ANKRD18A: variants seen among roughly 807,000 people sequenced by gnomAD.
The protein encoded by ANKRD18A is ankyrin repeat domain 18A, also known as ankyrin repeat domain-containing protein 18A.
Under a neutral mutation model 110.6 loss-of-function variants are expected in ANKRD18A, and 72 were observed. That is an observed-to-expected ratio of 0.65 (90% CI 0.54 to 0.79). The LOEUF is 0.79. Among genes scored for constraint, ANKRD18A ranks in the 30% least tolerant of loss-of-function variants. The pLI is 0.00. For synonymous variants in ANKRD18A, 305 were observed against 410.3 expected (o/e 0.74, Z 3.10); for missense variants, 934 against 1,163.3 (o/e 0.80, Z 2.87).
At chr9:38,600,663 G>A (rs1825081647) in intron 8 of ANKRD18A, among the ~76,000 whole-genome samples, 1 of 152,088 alleles carries the variant, frequency 6.6e-6, no homozygotes, top group Admixed American at 6.6e-5. Flanking sequence ...GACACTGAAG[G>A]CAACCAGAAA....
chr9:38,580,245 A>G (rs1168768798), intron 12 of ANKRD18A, among the ~76,000 whole-genome samples: 1 of 152,218 alleles, frequency 6.6e-6, no homozygotes, highest in Non-Finnish European at 1.5e-5. Context: ...TCTACAAAGT[A>G]AAAAATCAGA....
At chr9:38,617,117 T>A (rs1372286554) in intron 1 of ANKRD18A, among the ~76,000 whole-genome samples, 2 of 152,210 alleles carry the variant, frequency 1.3e-5, no homozygotes, top group Non-Finnish European at 2.9e-5. Context: ...ACATATTTTT[T>A]AAACAAATTA....
chr9:38,587,278 G>C (rs139136560), intron 11 of ANKRD18A, among the ~76,000 whole-genome samples: 1,604 of 152,244 alleles, frequency 0.011, 18 homozygotes, highest in Middle Eastern at 0.027. Flanking sequence ...TGTAGAGAAA[G>C]ACAATGGCAG....
chr9:38,605,252 A>G (rs571696909), intron 6 of ANKRD18A, among the ~76,000 whole-genome samples: 1 of 152,374 alleles, frequency 6.6e-6, no homozygotes, highest in South Asian at 2.1e-4. Context: ...AGTCTGTAAC[A>G]GATACATGAT....
At chr9:38,591,933 C>A (rs1023327452) in intron 10 of ANKRD18A, among the ~76,000 whole-genome samples, 1 of 152,166 alleles carries the variant, frequency 6.6e-6, no homozygotes, top group Non-Finnish European at 1.5e-5. Flanking sequence ...ACTGCCTTCA[C>A]GAGTACTCTG....
chr9:38,586,633 C>T (rs1169554066), intron 11 of ANKRD18A, among the ~76,000 whole-genome samples: 2 of 151,928 alleles, frequency 1.3e-5, no homozygotes, highest in Non-Finnish European at 2.9e-5. Flanking sequence ...GGCGTGATCA[C>T]GGCTCACTGC....
chr9:38,574,306 C>CTTGG (rs1440870943), intron 15 of ANKRD18A, among the ~76,000 whole-genome samples: 3 of 152,126 alleles, frequency 2.0e-5, no homozygotes, highest in African/African-American at 4.8e-5. Flanking sequence ...TTCAAACTAC[C>CTTGG]TTGGGTGCAC....
chr9:38,579,558 G>A (rs745332450), intron 12 of ANKRD18A, among the ~76,000 whole-genome samples: 6 of 151,912 alleles, frequency 3.9e-5, no homozygotes, highest in Non-Finnish European at 8.8e-5. Flanking sequence ...TACAAATAGC[G>A]AACAAATACA....
intron 4 of ANKRD18A, among the ~76,000 whole-genome samples, chr9:38,610,794 G>T (rs1335111442): frequency 2.6e-5 from 4 of 151,480 alleles, no homozygotes; most frequent in African/African-American, 9.7e-5. Flanking sequence ...GTCAGCTAGG[G>T]ATCAAATAAA....
At chr9:38,610,463 T>C in intron 4 of ANKRD18A, 53 bp from the exon 5 acceptor site, 1 of 1,507,122 alleles carries the variant, frequency 6.6e-7, no homozygotes, top group Non-Finnish European at 8.9e-7. Context: ...AGATATTTAA[T>C]TAGCAAATTG....
chr9:38,595,850 A>G lies in ANKRD18A; in HGVS notation c.1490T>C (p.Leu497Pro). The stretch of plus-strand genomic sequence containing the variant: ...TCCTAAAGCCAATGTCTTTTCCCTG[A>G]GAGCATCTCTTGTCTCACGGAGCTT... ...KGKLRETRDA[L>P]REKTLALGSV... Residue 497 changes from leucine to proline, a missense_variant, in exon 9 of 16, where the codon CTC (leucine) becomes CCC (proline). Leu to Pro is a moderately conservative substitution (Grantham distance 98). This residue lies in a region of ANKRD18A where 630 missense variants were observed against 797.5 expected (regional missense o/e 0.79). Coordinates refer to ENST00000399703, the MANE Select transcript of ANKRD18A (RefSeq NM_147195.4). 2.6e-6 allele frequency: 4 copies of G among 1,551,308 alleles called. No homozygotes were observed. The highest frequency in any genetic ancestry group is 3.5e-6 in the Non-Finnish European group (4 of 1,146,718).
intron 4 of ANKRD18A, 34 bp from the exon 5 acceptor site, chr9:38,610,444 C>G (rs117957159): frequency 0.062 from 94,379 of 1,520,220 alleles, 3,272 homozygotes; most frequent in Non-Finnish European, 0.072. Flanking sequence ...CACTCAAGAA[C>G]TTTGATGAAG....
In ANKRD18A at chr9:38,575,504, G is replaced by A. The variant is rs1823843768; in HGVS notation, c.2936C>T (p.Ser979Leu). ...AGTCAAGAAGTTCTTGCAGTTATTT[G>A]AAGTCTGTGGGTTTGAAGTAGGAAT... is the stretch of plus-strand genomic sequence containing the variant. ...IRIPTSNPQTSNNCKNFLTEV... is the reference protein window; with the variant it reads ...IRIPTSNPQTLNNCKNFLTEV... The change falls in exon 15 of 16, where the codon TCA becomes TTA. Residue 979 changes from serine (S) to leucine (L), a missense_variant. Ser to Leu is a moderately radical substitution (Grantham distance 145). Around this residue, in one of 4 missense-constraint regions of ANKRD18A, gnomAD observed 223 missense variants for 226.7 expected, o/e 0.98. Coordinates refer to ENST00000399703, the MANE Select transcript of ANKRD18A (RefSeq NM_147195.4). 1 of 1,551,548 alleles carries A rather than the reference G, an allele frequency of 6.4e-7. No homozygotes were observed. Among genetic ancestry groups the A allele is most frequent in the Non-Finnish European group, 8.7e-7 (1 of 1,146,820 alleles).
intron 12 of ANKRD18A, among the ~76,000 whole-genome samples, chr9:38,580,285 A>G (rs1824100794): frequency 6.6e-6 from 1 of 152,212 alleles, no homozygotes; most frequent in South Asian, 2.1e-4. Flanking sequence ...CCATAATCCT[A>G]GCTGCTCAGC....
intron 15 of ANKRD18A, 175 bp from the exon 16 acceptor site, chr9:38,572,234 T>C (rs1029558050): frequency 1.3e-5 from 6 of 474,236 alleles, no homozygotes; most frequent in African/African-American, 1.2e-4. Context: ...TTAATTCCAA[T>C]TGTGGTTAAA....
At chr9:38,595,424 T>C in intron 9 of ANKRD18A, 62 bp downstream of exon 9, 1 of 1,356,274 alleles carries the variant, frequency 7.4e-7, no homozygotes. Context: ...AGGTTCAACA[T>C]ATAGCCAGAA....
chr9:38,620,364 C>T lies in ANKRD18A; in HGVS notation c.-79G>A. 2 of 1,459,470 alleles carry T rather than the reference C, an allele frequency of 1.4e-6. No individual in the cohort carries two copies. The highest frequency in any genetic ancestry group is 9.1e-7 in the Non-Finnish European group (1 of 1,096,672). The allele number at this position is 1,459,470 out of a possible 1,614,324, so 90.4% of individuals were successfully genotyped here. On this transcript the variant is annotated 5_prime_UTR_variant, in exon 1 of 16. Coordinates refer to ENST00000399703, the MANE Select transcript of ANKRD18A (RefSeq NM_147195.4). ...GTGGCCTTTCCACCCCCACTCCGCCCCAAATCCGCGATCTCCCCCGCAACC... is the reference window on the plus strand; with the variant it reads ...GTGGCCTTTCCACCCCCACTCCGCCTCAAATCCGCGATCTCCCCCGCAACC...
At chr9:38,569,165 C>T (rs1587472605), downstream of ANKRD18A, 10 of 985,008 alleles carry the variant, frequency 1.0e-5, no homozygotes, top group African/African-American at 5.2e-5. Flanking sequence ...TATCACGGAG[C>T]GAGACTGGGC....
intron 12 of ANKRD18A, among the ~76,000 whole-genome samples, chr9:38,585,139 G>C (rs912426514): frequency 1.3e-5 from 2 of 152,060 alleles, no homozygotes; most frequent in African/African-American, 4.8e-5. Context: ...CAGATCTAGG[G>C]AAGATTAACT....
Sources: gnomAD v4.1 joint callset for allele counts (sites outside exome capture counted in the v4.1 genomes callset) on GRCh38, gnomAD v4.1.1 for gene constraint, gnomAD v4.1.1 regional missense constraint, MANE v1.5 for transcripts, NCBI Gene and HGNC (gene_info 2026-07-23, HGNC 2026-07-21) for gene names.